Variants in ANKS1B observed in about 807,000 individuals in gnomAD.
The protein encoded by ANKS1B is ankyrin repeat and sterile alpha motif domain containing 1B, also known as ankyrin repeat and sterile alpha motif domain-containing protein 1B.
A neutral mutation model predicts 148.3 loss-of-function variants in ANKS1B; 36 were observed. The ratio of observed to expected loss-of-function variants is 0.24; its 90% CI spans 0.19 to 0.32. The LOEUF is 0.32. Among genes scored for constraint, ANKS1B ranks in the 10% least tolerant of loss-of-function variants. ANKS1B has a pLI of 1.00. For missense variants in ANKS1B, 1,157 were observed against 1,542.6 expected, an observed-to-expected ratio of 0.75 and a Z score of 4.19; for synonymous variants, 542 against 560.8, an observed-to-expected ratio of 0.97 and a Z score of 0.47.
chr12:99,590,258 CCACACACACACA>C (rs374132496), intron 9 of ANKS1B, among the ~76,000 whole-genome samples: 3 of 132,806 alleles, frequency 2.3e-5, no homozygotes, highest in South Asian at 2.5e-4. Flanking sequence ...CCACACCCAC[CCACACACACACA>C]CACACACACA....
chr12:98,776,713 C>A (rs1156266161), intron 24 of ANKS1B, among the ~76,000 whole-genome samples: 1 of 152,252 alleles, frequency 6.6e-6, no homozygotes, highest in Non-Finnish European at 1.5e-5. Context: ...TCTCTTGCAT[C>A]TCCTCATCAG....
Position 99,503,013 on chromosome 12 carries a change from T to C in ANKS1B, c.1438+1463A>G, listed in dbSNP as rs114165069. 3.5e-3 allele frequency among the ~76,000 whole-genome samples: 537 copies of C among 152,354 alleles called. 4 individuals are homozygous for C. Among genetic ancestry groups the C allele is most frequent in the African/African-American group, 0.013 (526 of 41,592 alleles). On this transcript the variant is annotated intron_variant, in intron 10 of 26. Coordinates refer to ENST00000683438, the MANE Select transcript of ANKS1B (RefSeq NM_001352186.2). ...GTGCAGTGGTGTGACCACGGTTTAC[T>C]GTAGCCTTGACCTCCCAAACTCAGG...
At chr12:99,712,249 G>T (rs1357998567) in intron 8 of ANKS1B, among the ~76,000 whole-genome samples, 1 of 152,164 alleles carries the variant, frequency 6.6e-6, no homozygotes, top group Non-Finnish European at 1.5e-5. Context: ...TGGGGATGCA[G>T]ACAAAATAGG....
chr12:98,956,495 C>T (rs2099862276), intron 17 of ANKS1B: 1 of 152,182 alleles, frequency 6.6e-6, no homozygotes, highest in Non-Finnish European at 1.5e-5. Context: ...TGAGTTTGGC[C>T]TGCAAGGATC....
intron 14 of ANKS1B, among the ~76,000 whole-genome samples, chr12:99,208,764 G>A (rs954254867): frequency 6.6e-6 from 1 of 152,046 alleles, no homozygotes; most frequent in Non-Finnish European, 1.5e-5. Context: ...AAGAGTTATG[G>A]TTTTTTATGG....
chr12:98,830,939 A>ACTTTTTTTTTTT (rs1190273205), intron 18 of ANKS1B: 2 of 60,954 alleles, frequency 3.3e-5, no homozygotes, highest in African/African-American at 4.8e-5. Flanking sequence ...CCTACCTCAT[A>ACTTTTTTTTTTT]ATTTTTTTTT....
chr12:99,372,201 T>C (rs958950987), intron 12 of ANKS1B, among the ~76,000 whole-genome samples: 10 of 152,040 alleles, frequency 6.6e-5, no homozygotes, highest in Admixed American at 3.3e-4. Flanking sequence ...GGGATGTTCA[T>C]GATGGGGGAG....
At position 99,443,747 on chromosome 12, in the gene ANKS1B, C is replaced by T; in HGVS notation, c.1501G>A (p.Gly501Ser). ...GTSNHRNSST[G>S]PTPDCSPPSP... is the part of the protein sequence containing the mutation. Reference sequence around the variant, plus strand: ...GGAGGTGAACAATCAGGTGTTGGGCCTGTTGAGCTGTTTCTATGGTTACTA... The same window carrying T: ...GGAGGTGAACAATCAGGTGTTGGGCTTGTTGAGCTGTTTCTATGGTTACTA... Residue 501 changes from glycine to serine, a missense_variant, in exon 11 of 27, where the codon GGC becomes AGC. By Grantham distance (56) the Gly-to-Ser change is moderately conservative. Transcript: ENST00000683438. 1 of 1,612,196 alleles carries T rather than the reference C, an allele frequency of 6.2e-7. No homozygotes were observed. The highest frequency in any genetic ancestry group is 8.5e-7 in the Non-Finnish European group (1 of 1,178,822).
rs568583564 is a variant in ANKS1B at position 99,254,518 on chromosome 12, A to G, written c.1757-7654T>C. On this transcript the variant is annotated intron_variant, in intron 12 of 26. Transcript: ENST00000683438. The stretch of plus-strand genomic sequence containing the variant: ...TTACTTCTTGACAGAAGAAAGTCAT[A>G]TGTCTAAACCTAAAGTAAATGGAGT... 3.3e-5 allele frequency among the ~76,000 whole-genome samples: 5 copies of G among 152,302 alleles called. No individual in the cohort carries two copies. In the East Asian group the frequency reaches 9.7e-4, roughly 29 times the overall value.
chr12:99,632,768 TTTTA>T (rs2098182703), intron 9 of ANKS1B, among the ~76,000 whole-genome samples: 2 of 100,430 alleles, frequency 2.0e-5, no homozygotes, highest in South Asian at 3.1e-4. Context: ...TATATATATA[TTTTA>T]ATTATACTTT....
At chr12:99,806,906 G>A (rs1014154165) in intron 3 of ANKS1B, among the ~76,000 whole-genome samples, 1 of 151,884 alleles carries the variant, frequency 6.6e-6, no homozygotes, top group African/African-American at 2.4e-5. Flanking sequence ...CACTTTAATC[G>A]AAAACAATCC....
intron 15 of ANKS1B, among the ~76,000 whole-genome samples, chr12:99,137,578 G>A (rs759576665): frequency 6.6e-6 from 1 of 152,148 alleles, no homozygotes; most frequent in Non-Finnish European, 1.5e-5. Context: ...CTGAGTTGGC[G>A]CAGAATAAAA....
intron 8 of ANKS1B, among the ~76,000 whole-genome samples, chr12:99,688,310 C>T (rs561733150): frequency 3.9e-5 from 6 of 152,314 alleles, no homozygotes; most frequent in Admixed American, 3.3e-4. Context: ...TCTCTCCCTG[C>T]TTTGTAGTCT....
chr12:99,022,655 G>A (rs1358398193), intron 17 of ANKS1B, among the ~76,000 whole-genome samples: 1 of 151,792 alleles, frequency 6.6e-6, no homozygotes, highest in Non-Finnish European at 1.5e-5. Flanking sequence ...GAATTTCGAG[G>A]GTATGTTGAA....
intron 17 of ANKS1B, among the ~76,000 whole-genome samples, chr12:98,980,427 A>G (rs997349977): frequency 6.6e-6 from 1 of 152,110 alleles, no homozygotes; most frequent in Admixed American, 6.5e-5. Context: ...AGGATGGTCT[A>G]GATCTCCTGA....
chr12:99,556,825 T>C (rs1465189033), intron 9 of ANKS1B, among the ~76,000 whole-genome samples: 7 of 152,196 alleles, frequency 4.6e-5, no homozygotes, highest in Admixed American at 6.5e-5. Context: ...GTAAGATTTC[T>C]GTTTTCTTGA....
At chr12:98,975,248 CTT>C (rs2099892321) in intron 17 of ANKS1B, among the ~76,000 whole-genome samples, 1 of 136,162 alleles carries the variant, frequency 7.3e-6, no homozygotes, top group Non-Finnish European at 1.6e-5. Context: ...TTCCTTCCTT[CTT>C]TCTTTCCTTC....
At chr12:99,272,753 C>A (rs565402436) in intron 12 of ANKS1B, among the ~76,000 whole-genome samples, 2 of 152,264 alleles carry the variant, frequency 1.3e-5, no homozygotes, top group South Asian at 4.2e-4. Flanking sequence ...AGGATAAAAC[C>A]TATAAATCCC....
chr12:99,783,757 T>C (rs2064644734), intron 4 of ANKS1B, among the ~76,000 whole-genome samples: 1 of 151,762 alleles, frequency 6.6e-6, no homozygotes, highest in Non-Finnish European at 1.5e-5. Context: ...TAGGGAGAGG[T>C]TGGTGATTGA....
Sources: allele counts gnomAD v4.1 joint callset (sites outside exome capture counted in the v4.1 genomes callset), GRCh38; gene constraint gnomAD v4.1.1; transcripts MANE v1.5; gene names NCBI Gene and HGNC (gene_info 2026-07-23, HGNC 2026-07-21).